Variants in MYLK observed in about 807,000 individuals in gnomAD.
MYLK encodes myosin light chain kinase, also known as myosin light chain kinase, smooth muscle.
A neutral mutation model predicts 203.4 loss-of-function variants in MYLK; 106 were observed. The observed-to-expected ratio is 0.52, with a 90% CI of 0.45 to 0.61. MYLK has a LOEUF of 0.61. MYLK is among the 20% of genes least tolerant of loss of function. MYLK has a pLI of 0.00. For missense variants in MYLK, 2,072 were observed against 2,442.3 expected, an observed-to-expected ratio of 0.85 and a Z score of 3.20; for synonymous variants, 867 against 959.5, an observed-to-expected ratio of 0.90 and a Z score of 1.78.
chr3:123,832,395 G>A (rs1256486636), intron 2 of MYLK, among the ~76,000 whole-genome samples: 1 of 152,216 alleles, frequency 6.6e-6, no homozygotes, highest in Non-Finnish European at 1.5e-5. Context: ...TCCTCAGAGG[G>A]ACAAATAACT....
intron 4 of MYLK, among the ~76,000 whole-genome samples, chr3:123,759,164 G>A (rs1040347596): frequency 6.6e-6 from 1 of 152,158 alleles, no homozygotes; most frequent in Non-Finnish European, 1.5e-5. Flanking sequence ...AACTTCTCAC[G>A]TTGATACCTT....
chr3:123,844,762 TAACTCCA>T (rs2066671704), intron 2 of MYLK, among the ~76,000 whole-genome samples: 1 of 150,982 alleles, frequency 6.6e-6, no homozygotes. Context: ...CTCACCTTGA[TAACTCCA>T]GCTCCAGTGT....
At chr3:123,628,922 C>T (rs1173414553) in intron 30 of MYLK, among the ~76,000 whole-genome samples, 1 of 152,172 alleles carries the variant, frequency 6.6e-6, no homozygotes, top group East Asian at 1.9e-4. Context: ...ATCATAGCCT[C>T]CCTTTGGCCA....
chr3:123,640,297 G>C lies in MYLK; in HGVS notation c.4827C>G (p.Ala1609=), dbSNP rs948756789. Residue 1609 remains alanine (A), a synonymous_variant, in exon 28 of 34, where the codon GCC becomes GCG. Coordinates refer to ENST00000360304, the MANE Select transcript of MYLK (RefSeq NM_053025.4). The surrounding 1 kb of genome is among the most constrained non-coding windows in gnomAD (Gnocchi z 4.3). ...GCAGATGAGCCTTACCCAGCCTCCT[G>C]GCCAGACCAAAGTCGATGAGCTTGA... The part of the protein sequence containing the change: ...TRIKLIDFGL[A]RRLENAGSLK... 5 of 1,613,868 alleles carry C rather than the reference G, an allele frequency of 3.1e-6. No homozygotes were observed. The highest frequency in any genetic ancestry group is 4.2e-6 in the Non-Finnish European group (5 of 1,179,980).
At chr3:123,862,068 T>C (rs1412672478) in intron 2 of MYLK, among the ~76,000 whole-genome samples, 1 of 152,240 alleles carries the variant, frequency 6.6e-6, no homozygotes, top group Non-Finnish European at 1.5e-5. Flanking sequence ...CAGCAGTCAG[T>C]GCCCTTCCTA....
chr3:123,769,892 C>T lies in MYLK; in HGVS notation c.166-17354G>A, dbSNP rs529574663. Among the ~76,000 whole-genome samples the T allele has an allele frequency of 1.1e-4, 17 of 152,142 alleles. No homozygotes were observed. In the South Asian group the frequency reaches 3.1e-3, roughly 28 times the overall value. Reference sequence around the variant, plus strand: ...TTGTTTTTGTTGAACATTTTTATTCCGTTGAATTTATTATTATTTATTATG... The same window carrying T: ...TTGTTTTTGTTGAACATTTTTATTCTGTTGAATTTATTATTATTTATTATG... On this transcript the variant is annotated intron_variant, in intron 4 of 33. Coordinates refer to ENST00000360304, the MANE Select transcript of MYLK (RefSeq NM_053025.4).
At position 123,612,745 on chromosome 3, in the gene MYLK, T is replaced by C. The variant is rs1415978193; in HGVS notation, c.*1360A>G. The C allele has an allele frequency of 6.6e-6, 1 of 152,614 alleles. No individual in the cohort carries two copies. The highest frequency in any genetic ancestry group is 1.5e-5 in the Non-Finnish European group (1 of 68,044). 9.5% of individuals were successfully genotyped at this position (152,614 alleles called of 1,614,324 possible). Reference sequence around the variant, plus strand: ...AGGATTGCACTGAAGTAATTTTAAATTGGTTCTTAAGGAACTCTTAAAAAG... The same window carrying C: ...AGGATTGCACTGAAGTAATTTTAAACTGGTTCTTAAGGAACTCTTAAAAAG... On this transcript the variant is annotated 3_prime_UTR_variant, in exon 34 of 34. Coordinates refer to ENST00000360304, the MANE Select transcript of MYLK (RefSeq NM_053025.4).
At chr3:123,844,606 C>T (rs1164980957) in intron 2 of MYLK, among the ~76,000 whole-genome samples, 1 of 152,010 alleles carries the variant, frequency 6.6e-6, no homozygotes, top group East Asian at 1.9e-4. Flanking sequence ...ATTGACCACT[C>T]CATCGGGTTG....
chr3:123,793,680 C>G lies in MYLK; in HGVS notation c.162G>C (p.Gly54=), dbSNP rs1483698247. ...CCCATCCAGCCACACTTCTTACCCG[C>G]CCTTCGAACTTGGCGGTGGCTCCTT... is the stretch of plus-strand genomic sequence containing the variant. ...IKEGATAKFE[G]RVRGYPEPQV... is the part of the protein sequence containing the mutation. Residue 54 remains glycine (G), a synonymous_variant, in exon 4 of 34, where the codon GGG becomes GGC. Transcript: ENST00000360304. 1 of 1,614,130 alleles carries G rather than the reference C, an allele frequency of 6.2e-7. No individual in the cohort carries two copies. Among genetic ancestry groups the G allele is most frequent in the Non-Finnish European group, 8.5e-7 (1 of 1,179,992 alleles).
At chr3:123,866,011 C>T (rs1020858891) in intron 2 of MYLK, among the ~76,000 whole-genome samples, 7 of 152,168 alleles carry the variant, frequency 4.6e-5, no homozygotes, top group African/African-American at 1.7e-4. Flanking sequence ...CTGAGCCCAG[C>T]CTTCAAGTTG....
intron 5 of MYLK, among the ~76,000 whole-genome samples, chr3:123,745,922 A>G (rs1379321176): frequency 6.6e-6 from 1 of 151,932 alleles, no homozygotes; most frequent in Non-Finnish European, 1.5e-5. Flanking sequence ...CAGTGGTGCA[A>G]TCTTGGCTCA....
At chr3:123,631,919 G>T (rs1234382458) in intron 29 of MYLK, among the ~76,000 whole-genome samples, 2 of 151,408 alleles carry the variant, frequency 1.3e-5, no homozygotes, top group Admixed American at 1.3e-4. Context: ...GCCCAGGCTG[G>T]AGTGCAGTGG....
chr3:123,612,792 T>C lies in MYLK; in HGVS notation c.*1313A>G, dbSNP rs946715904. The C allele has an allele frequency of 6.6e-6, 1 of 152,588 alleles. No individual in the cohort carries two copies. Among genetic ancestry groups the C allele is most frequent in the Non-Finnish European group, 1.5e-5 (1 of 68,026 alleles). 9.5% of individuals were successfully genotyped at this position (152,588 alleles called of 1,614,324 possible). ...AAAGTCCCTTAAAAATATTAAATTG[T>C]TGCACCTTACAAACAGTGGAAAAGA... is the stretch of plus-strand genomic sequence containing the variant. On this transcript the variant is annotated 3_prime_UTR_variant, in exon 34 of 34. Coordinates refer to ENST00000360304, the MANE Select transcript of MYLK (RefSeq NM_053025.4).
At chr3:123,748,989 A>C (rs1051631659) in intron 5 of MYLK, among the ~76,000 whole-genome samples, 1 of 152,180 alleles carries the variant, frequency 6.6e-6, no homozygotes, top group Non-Finnish European at 1.5e-5. Flanking sequence ...GAATTGTTTG[A>C]ACCCAGGAGG....
intron 2 of MYLK, among the ~76,000 whole-genome samples, chr3:123,856,421 C>T (rs1204802790): frequency 1.3e-5 from 2 of 152,190 alleles, no homozygotes; most frequent in African/African-American, 4.8e-5. Flanking sequence ...CACATGTGTG[C>T]TTCTTTTTGG....
chr3:123,854,894 A>G (rs2031209864), intron 2 of MYLK, among the ~76,000 whole-genome samples: 1 of 152,184 alleles, frequency 6.6e-6, no homozygotes, highest in African/African-American at 2.4e-5. Context: ...TTTAGGGTCA[A>G]CACAGAAAAG....
rs78118111 is a variant in MYLK at position 123,793,818 on chromosome 3, G to C, written c.24C>G (p.Ala8=). 695 of 1,614,198 alleles carry C rather than the reference G, an allele frequency of 4.3e-4. 5 individuals carry two copies. The African/African-American group carries it at 7.8e-3, about 18-fold the overall frequency. Residue 8 remains alanine (A), a synonymous_variant, in exon 4 of 34, where the codon GCC becomes GCG. Transcript: ENST00000360304. ...GGGAGGTTTTGGAAATGTGTGACGA[G>C]GCAACCAGCTTCACATCCCCCATGG... MGDVKLV[A]SSHISKTSLS...
At position 123,742,894 on chromosome 3, in the gene MYLK, G is replaced by A. The variant is rs551290235; in HGVS notation, c.374-2893C>T. ...AAAAGGCCATGTATGATAGGATTCC[G>A]TTCATATGAAATGTCCAGGAGAGGC... On this transcript the variant is annotated intron_variant, in intron 5 of 33. Transcript: ENST00000360304. Among the ~76,000 whole-genome samples the A allele has an allele frequency of 4.6e-5, 7 of 152,268 alleles. No homozygotes were observed. The South Asian group carries it at 8.3e-4, about 18-fold the overall frequency.
At chr3:123,671,938 T>G (rs1316578383) in intron 20 of MYLK, among the ~76,000 whole-genome samples, 4 of 151,986 alleles carry the variant, frequency 2.6e-5, no homozygotes, top group Non-Finnish European at 4.4e-5. Flanking sequence ...AAGAGAGGGC[T>G]TCTACCGGAG....
Sources: gnomAD v4.1 joint callset for allele counts (sites outside exome capture counted in the v4.1 genomes callset) on GRCh38, gnomAD v4.1.1 for gene constraint, Gnocchi (gnomAD v3.1) non-coding constraint, MANE v1.5 for transcripts, NCBI Gene and HGNC (gene_info 2026-07-23, HGNC 2026-07-21) for gene names.